ANK3: variants seen among roughly 807,000 people sequenced by gnomAD.
The protein encoded by ANK3 is ankyrin-3.
In ANK3, 57 loss-of-function variants were observed where a neutral mutation model predicts 370.9. The observed-to-expected ratio is 0.15, with a 90% CI of 0.12 to 0.19. ANK3 has a LOEUF of 0.19. ANK3 is among the 10% of genes least tolerant of loss of function. The pLI, the probability that ANK3 is intolerant of heterozygous loss-of-function variation, is 1.00. For missense variants in ANK3, 4,439 were observed against 5,302.1 expected (o/e 0.84, Z 5.06); for synonymous variants, 1,929 against 1,946.3 (o/e 0.99, Z 0.23).
chr10:60,302,943 G>A (rs1266083424), intron 1 of ANK3, among the ~76,000 whole-genome samples: 1 of 152,118 alleles, frequency 6.6e-6, no homozygotes, highest in Non-Finnish European at 1.5e-5. Context: ...AGGGTGCCAA[G>A]AATGCACAAT....
intron 1 of ANK3, among the ~76,000 whole-genome samples, chr10:60,360,499 G>A (rs971597015): frequency 2.0e-5 from 3 of 152,108 alleles, no homozygotes; most frequent in Admixed American, 6.5e-5. Flanking sequence ...GCCTGAGCCC[G>A]GGAGTTTGAG....
intron 2 of ANK3, among the ~76,000 whole-genome samples, chr10:60,404,838 A>G (rs983292025): frequency 9.2e-5 from 14 of 152,196 alleles, no homozygotes; most frequent in Admixed American, 2.6e-4. Context: ...CAGTGTCCAG[A>G]AAATATAAGT....
At chr10:60,402,056 T>C (rs538854950) in intron 2 of ANK3, among the ~76,000 whole-genome samples, 1 of 152,326 alleles carries the variant, frequency 6.6e-6, no homozygotes, top group South Asian at 2.1e-4. Context: ...ATATTATCTA[T>C]GCTATGTTTC....
At chr10:60,265,855 A>T (rs2097868682) in intron 5 of ANK3, among the ~76,000 whole-genome samples, 2 of 152,174 alleles carry the variant, frequency 1.3e-5, no homozygotes, top group African/African-American at 4.8e-5. Flanking sequence ...ATTGCTCAGT[A>T]CTGTCCCCTA....
At chr10:60,559,306 T>C (rs936099537) in intron 2 of ANK3, among the ~76,000 whole-genome samples, 2 of 152,120 alleles carry the variant, frequency 1.3e-5, no homozygotes, top group Non-Finnish European at 2.9e-5. Context: ...ATTGTATCAT[T>C]CTTAAGCCTT....
chr10:60,133,224 CAATT>C (rs567699496), intron 25 of ANK3, among the ~76,000 whole-genome samples: 38 of 152,314 alleles, frequency 2.5e-4, no homozygotes, highest in Middle Eastern at 6.8e-3. Flanking sequence ...ATGATTTCAC[CAATT>C]ATTTACATTG....
rs746702093 is a variant in ANK3 at position 60,085,269 on chromosome 10, C to T, written c.3749-16G>A. ...GAAGTGCCCCCTGAGAGAACAACAG[C>T]AGATATGTTGACTTTATCATGGGAG... On this transcript the variant is annotated splice_polypyrimidine_tract_variant and intron_variant, in intron 30 of 43. Coordinates refer to ENST00000280772, the MANE Select transcript of ANK3 (RefSeq NM_020987.5). The T allele has an allele frequency of 1.4e-5, 22 of 1,588,628 alleles. No individual in the cohort carries two copies. Among genetic ancestry groups the T allele is most frequent in the Non-Finnish European group, 1.9e-5 (22 of 1,161,830 alleles).
At position 60,141,416 on chromosome 10, in the gene ANK3, T is replaced by C. The variant is rs1253199018; in HGVS notation, c.2615-2329A>G. 2.0e-5 allele frequency among the ~76,000 whole-genome samples: 3 copies of C among 152,104 alleles called. No homozygotes were observed. In the East Asian group the frequency reaches 5.8e-4, roughly 30 times the overall value. ...GGAGGCAGGACTGAGGTCTGTCACTTTGCTGTTACATTGTTTCTTTCTCTC... is the reference window on the plus strand; with the variant it reads ...GGAGGCAGGACTGAGGTCTGTCACTCTGCTGTTACATTGTTTCTTTCTCTC... On this transcript the variant is annotated intron_variant, in intron 23 of 43. Coordinates refer to ENST00000280772, the MANE Select transcript of ANK3 (RefSeq NM_020987.5).
At chr10:60,195,182 T>G (rs1279483042) in intron 16 of ANK3, among the ~76,000 whole-genome samples, 2 of 122,440 alleles carry the variant, frequency 1.6e-5, no homozygotes, top group Non-Finnish European at 3.5e-5. Flanking sequence ...GGTCAGGAGA[T>G]CGAGACCATC....
chr10:60,599,531 A>C (rs547829560), intron 2 of ANK3, among the ~76,000 whole-genome samples: 1 of 152,240 alleles, frequency 6.6e-6, no homozygotes, highest in African/African-American at 2.4e-5. Context: ...GCAATAATTT[A>C]TTCCATTTCA....
intron 2 of ANK3, among the ~76,000 whole-genome samples, chr10:60,607,578 A>G (rs1245636223): frequency 6.6e-6 from 1 of 152,206 alleles, no homozygotes; most frequent in African/African-American, 2.4e-5. Context: ...AGTACCTATC[A>G]GCATAGTGCT....
intron 17 of ANK3, among the ~76,000 whole-genome samples, chr10:60,183,772 C>T (rs577908156): frequency 1.8e-4 from 28 of 151,580 alleles, no homozygotes; most frequent in Non-Finnish European, 3.4e-4. Flanking sequence ...GCAGAAGAAT[C>T]GCTTACACCC....
intron 23 of ANK3, among the ~76,000 whole-genome samples, chr10:60,165,939 G>A (rs1233644966): frequency 1.3e-5 from 2 of 152,044 alleles, no homozygotes; most frequent in Middle Eastern, 3.2e-3. Context: ...GTTTTCCAAT[G>A]GACCTTTTAA....
At chr10:60,138,854 T>C in intron 24 of ANK3, 110 bp downstream of exon 24, 1 of 1,418,968 alleles carries the variant, frequency 7.0e-7, no homozygotes, top group Non-Finnish European at 9.6e-7. Flanking sequence ...AATTCACATC[T>C]TCATCCAAAG....
intron 1 of ANK3, among the ~76,000 whole-genome samples, chr10:60,643,983 T>C (rs1252505139): frequency 6.6e-6 from 1 of 152,218 alleles, no homozygotes; most frequent in Non-Finnish European, 1.5e-5. Context: ...CCTGTATGCC[T>C]AAAAATATCC....
intron 2 of ANK3, among the ~76,000 whole-genome samples, chr10:60,450,632 C>G (rs947072743): frequency 3.3e-5 from 5 of 151,992 alleles, no homozygotes; most frequent in African/African-American, 1.2e-4. Flanking sequence ...TCAAAAAAAG[C>G]GTAAGTTCTT....
intron 2 of ANK3, among the ~76,000 whole-genome samples, chr10:60,481,618 A>G (rs1293790285): frequency 6.6e-6 from 1 of 152,104 alleles, no homozygotes; most frequent in Admixed American, 6.5e-5. Context: ...GCCTGCCACC[A>G]TGCCCGGCTA....
chr10:60,415,619 A>ATT (rs2063645886), intron 2 of ANK3, among the ~76,000 whole-genome samples: 1 of 152,066 alleles, frequency 6.6e-6, no homozygotes, highest in African/African-American at 2.4e-5. Context: ...TCATCCAATG[A>ATT]AATTCTGGGT....
rs556599172 is a variant in ANK3, at chr10:60,550,666, A to C, written c.96+64520T>G. ...AAGTATAAACATTAAAAAATAAATG[A>C]TATTTAACTTTACAATTATGCATCT... is the stretch of plus-strand genomic sequence containing the variant. On this transcript the variant is annotated intron_variant, in intron 2 of 43. Transcript: ENST00000373827. Among the ~76,000 whole-genome samples the C allele has an allele frequency of 1.3e-5, 2 of 152,212 alleles. 1 individual carries two copies. The highest frequency in any genetic ancestry group is 4.1e-4 in the South Asian group (2 of 4,834).
Sources: allele counts gnomAD v4.1 joint callset (sites outside exome capture counted in the v4.1 genomes callset), GRCh38; gene constraint gnomAD v4.1.1; transcripts MANE v1.5; gene names NCBI Gene and HGNC (gene_info 2026-07-23, HGNC 2026-07-21).